The following SPATA6L variants were observed in gnomAD, a reference collection of about 807,000 sequenced individuals.
The protein encoded by SPATA6L is spermatogenesis associated 6 like.
Under a neutral mutation model 49.2 loss-of-function variants are expected in SPATA6L, and 68 were observed. The observed-to-expected ratio is 1.38, with a 90% CI of 1.14 to 1.69. The LOEUF (loss-of-function observed/expected upper bound fraction) is 1.69. SPATA6L is among the 40% of genes most tolerant of loss of function. The pLI is 0.00. For missense variants in SPATA6L, 668 were observed against 464.3 expected, an observed-to-expected ratio of 1.44 and a Z score of -4.03; for synonymous variants, 198 against 165.7, an observed-to-expected ratio of 1.19 and a Z score of -1.50.
rs912330344 is a variant in SPATA6L at position 4,607,689 on chromosome 9, C to G, written c.996-2249G>C. On this transcript the variant is annotated intron_variant, in intron 9 of 11. Coordinates refer to ENST00000682582, the MANE Select transcript of SPATA6L (RefSeq NM_001353486.2). Reference sequence around the variant, plus strand: ...CAACCGGTACCAGCCGCTGCAAAATCATGCCAAAATGTAAAGACCGTCGAG... The same window carrying G: ...CAACCGGTACCAGCCGCTGCAAAATGATGCCAAAATGTAAAGACCGTCGAG... 8.5e-5 allele frequency among the ~76,000 whole-genome samples: 13 copies of G among 152,240 alleles called. No homozygotes were observed. The East Asian group carries it at 2.1e-3, about 25-fold the overall frequency.
At chr9:4,642,114 G>A (rs573763324) in intron 3 of SPATA6L, among the ~76,000 whole-genome samples, 87 of 152,112 alleles carry the variant, frequency 5.7e-4, no homozygotes, top group Non-Finnish European at 1.1e-3. Flanking sequence ...TTGTTGAATG[G>A]GCTTTTGACA....
downstream of SPATA6L, among the ~76,000 whole-genome samples, chr9:4,597,261 G>A (rs888458527): frequency 1.3e-5 from 2 of 151,100 alleles, no homozygotes; most frequent in African/African-American, 2.4e-5. Context: ...AGACCAGCCT[G>A]GTCAATATAG....
At chr9:4,637,598 G>C (rs991417296) in intron 3 of SPATA6L, among the ~76,000 whole-genome samples, 1 of 152,106 alleles carries the variant, frequency 6.6e-6, no homozygotes, top group African/African-American at 2.4e-5. Context: ...ACCTGAAAAG[G>C]GGCCTCACTG....
intron 5 of SPATA6L, 174 bp downstream of exon 5, chr9:4,628,917 T>A: frequency 1.7e-6 from 1 of 588,328 alleles, no homozygotes; most frequent in East Asian, 3.0e-5. Context: ...TACTCTAATA[T>A]GACTGGCTGA....
intron 9 of SPATA6L, among the ~76,000 whole-genome samples, chr9:4,612,128 C>T (rs10974654): frequency 0.045 from 6,851 of 152,082 alleles, 516 homozygotes; most frequent in African/African-American, 0.16. Context: ...GTATGCACCA[C>T]CATGCAGAGC....
At chr9:4,649,359 T>C (rs181703258) in intron 3 of SPATA6L, among the ~76,000 whole-genome samples, 1 of 152,244 alleles carries the variant, frequency 6.6e-6, no homozygotes, top group Admixed American at 6.5e-5. Context: ...TGTAGAAGTA[T>C]TACCTGTTCA....
chr9:4,596,477 A>G (rs1015000084), downstream of SPATA6L: 1 of 152,186 alleles, frequency 6.6e-6, no homozygotes, highest in African/African-American at 2.4e-5. Flanking sequence ...TCCCAATAAA[A>G]CAAGTATGAT....
chr9:4,591,137 A>C (rs1447197963), intron 13 of SPATA6L, among the ~76,000 whole-genome samples: 1 of 152,104 alleles, frequency 6.6e-6, no homozygotes, highest in Non-Finnish European at 1.5e-5. Context: ...GATTGAAATG[A>C]CTTTGGTCAT....
chr9:4,646,500 C>G (rs1406378133), intron 3 of SPATA6L: 2 of 1,515,412 alleles, frequency 1.3e-6, no homozygotes, highest in Non-Finnish European at 1.8e-6. Context: ...GAGGAACTAG[C>G]TGTATTAATT....
At chr9:4,607,945 G>A (rs1349740633) in intron 9 of SPATA6L, among the ~76,000 whole-genome samples, 1 of 151,742 alleles carries the variant, frequency 6.6e-6, no homozygotes, top group African/African-American at 2.4e-5. Context: ...AAAGGATGGA[G>A]GAAGATCTAT....
chr9:4,625,231 T>C (rs1830114274), intron 6 of SPATA6L, 96 bp downstream of exon 6: 3 of 1,481,112 alleles, frequency 2.0e-6, no homozygotes, highest in African/African-American at 1.4e-5. Context: ...TTATTGAATA[T>C]TATTCATTTG....
intron 13 of SPATA6L, among the ~76,000 whole-genome samples, chr9:4,590,491 G>A (rs546522132): frequency 7.2e-5 from 11 of 152,240 alleles, no homozygotes; most frequent in Admixed American, 6.5e-4. Flanking sequence ...ACAAATCTCC[G>A]CTTGGCCTGC....
chr9:4,621,348 C>G (rs28420139), intron 7 of SPATA6L, among the ~76,000 whole-genome samples: 20,710 of 152,180 alleles, frequency 0.14, 3,053 homozygotes, highest in African/African-American at 0.36. Context: ...AGATCTGCAA[C>G]GTCAAACTGT....
intron 4 of SPATA6L, among the ~76,000 whole-genome samples, chr9:4,631,361 T>C (rs548373195): frequency 6.6e-6 from 1 of 152,258 alleles, no homozygotes; most frequent in East Asian, 1.9e-4. Flanking sequence ...TAACCTAACA[T>C]GATAATAGAT....
chr9:4,662,099 C>G lies in SPATA6L; in HGVS notation c.40-63G>C. 1.3e-6 allele frequency: 2 copies of G among 1,583,596 alleles called. No individual in the cohort carries two copies. Among genetic ancestry groups the G allele is most frequent in the African/African-American group, 1.4e-5 (1 of 73,866 alleles). On this transcript the variant is annotated intron_variant, in intron 1 of 11. Transcript: ENST00000682582. This position sits in a 1 kb window ranked among gnomAD's most constrained non-coding sequence, Gnocchi z 4.9. ...ACAGACTTTGCTTTGTTTTGTTACA[C>G]GGGGCTCTATTTCTCTTAAGCTCCT...
At chr9:4,596,150 G>A (rs1822237375), downstream of SPATA6L, among the ~76,000 whole-genome samples, 1 of 152,132 alleles carries the variant, frequency 6.6e-6, no homozygotes, top group Non-Finnish European at 1.5e-5. Flanking sequence ...CATTGCCCCA[G>A]TAAGTATGGA....
chr9:4,612,374 T>A (rs1248033394), intron 9 of SPATA6L, among the ~76,000 whole-genome samples: 1 of 152,132 alleles, frequency 6.6e-6, no homozygotes, highest in East Asian at 1.9e-4. Context: ...ACAGTCTCTT[T>A]CAGTTCCCCA....
chr9:4,601,523 C>T (rs1823270523), intron 11 of SPATA6L, among the ~76,000 whole-genome samples: 4 of 152,166 alleles, frequency 2.6e-5, no homozygotes, highest in Admixed American at 2.6e-4. Context: ...CCATTTCTTC[C>T]ACCCATTCTC....
chr9:4,640,486 T>A (rs1833790898), intron 3 of SPATA6L, among the ~76,000 whole-genome samples: 1 of 152,090 alleles, frequency 6.6e-6, no homozygotes, highest in Non-Finnish European at 1.5e-5. Flanking sequence ...AAGGTAACAA[T>A]TCAGCCAATA....
Sources: gnomAD v4.1 joint callset for allele counts (sites outside exome capture counted in the v4.1 genomes callset) on GRCh38, gnomAD v4.1.1 for gene constraint, Gnocchi (gnomAD v3.1) non-coding constraint, MANE v1.5 for transcripts, NCBI Gene and HGNC (gene_info 2026-07-23, HGNC 2026-07-21) for gene names.